ARRDC5: variants seen among roughly 807,000 people sequenced by gnomAD.
ARRDC5 encodes arrestin domain-containing protein 5.
ARRDC5 carries 12 observed loss-of-function variants against 13.3 expected under a neutral mutation model. The ratio of observed to expected loss-of-function variants is 0.90; its 90% CI spans 0.58 to 1.46. The LOEUF is 1.46. Among genes scored for constraint, ARRDC5 ranks in the 40% most tolerant of loss-of-function variants. The pLI, the probability that ARRDC5 is intolerant of heterozygous loss-of-function variation, is 0.00. For missense variants in ARRDC5, 406 were observed against 418.7 expected (o/e 0.97, Z 0.26); for synonymous variants, 181 against 173.4 (o/e 1.04, Z -0.34).
chr19:4,916,319 AC>A, the ARRDC5 span, among the ~76,000 whole-genome samples: 2 of 151,680 alleles, frequency 1.3e-5, no homozygotes, highest in African/African-American at 4.8e-5. Flanking sequence ...AAAAAAAAAA[AC>A]CAAATAAATT....
At chr19:4,901,797 T>G (rs902887577) in intron 1 of ARRDC5, among the ~76,000 whole-genome samples, 21 of 152,216 alleles carry the variant, frequency 1.4e-4, no homozygotes, top group African/African-American at 4.8e-4. Flanking sequence ...CAGCAGACTC[T>G]CTGACATTTG....
chr19:4,898,692 TCAC>T lies in ARRDC5; in HGVS notation c.254-1819_254-1817del, dbSNP rs1191565208. Among the ~76,000 whole-genome samples, 6 of 121,850 alleles carry T rather than the reference TCAC, an allele frequency of 4.9e-5. No individual in the cohort carries two copies. The South Asian group carries it at 1.0e-3, about 21-fold the overall frequency. The allele number at this position is 121,850 out of a possible 152,430, so 79.9% of individuals were successfully genotyped here. ...TTTTTTTTTTTTTTGAGACAGGGTC[TCAC>T]TTTGTCACTCAGCCTGGACCTCTTG... On this transcript the variant is annotated intron_variant, in intron 1 of 2. Coordinates refer to ENST00000650722, the MANE Select transcript of ARRDC5 (RefSeq NM_001080523.3).
At chr19:4,895,224 C>A (rs748833464) in intron 2 of ARRDC5, among the ~76,000 whole-genome samples, 2 of 151,684 alleles carry the variant, frequency 1.3e-5, no homozygotes, top group Non-Finnish European at 2.9e-5. Context: ...GAGTTTAAGA[C>A]CAGCCTGGCC....
At chr19:4,892,091 T>A (rs2031533558) in intron 2 of ARRDC5, among the ~76,000 whole-genome samples, 1 of 152,004 alleles carries the variant, frequency 6.6e-6, no homozygotes, top group African/African-American at 2.4e-5. Context: ...GTTTTTTGTT[T>A]TTTGTATTTT....
At chr19:4,914,733 G>A in the ARRDC5 span, among the ~76,000 whole-genome samples, 1 of 150,660 alleles carries the variant, frequency 6.6e-6, no homozygotes, top group Admixed American at 6.6e-5. Context: ...CGGGTACAAC[G>A]CTCTGCACTG....
the ARRDC5 span, chr19:4,909,457 G>A: frequency 4.6e-6 from 3 of 654,914 alleles, no homozygotes; most frequent in East Asian, 9.6e-5. Context: ...GGCCTCCTGC[G>A]GCCCCGCAAC....
intron 2 of ARRDC5, among the ~76,000 whole-genome samples, chr19:4,896,189 T>TGC (rs2031702819): frequency 6.6e-6 from 1 of 151,280 alleles, no homozygotes; most frequent in African/African-American, 2.4e-5. Context: ...GTGGTGCACA[T>TGC]CTGTAATCCC....
chr19:4,894,552 T>C (rs1477313559), intron 2 of ARRDC5, among the ~76,000 whole-genome samples: 1 of 102,292 alleles, frequency 9.8e-6, no homozygotes, highest in Non-Finnish European at 1.9e-5. Context: ...GGCATGGTGG[T>C]GGGTGCCTGT....
chr19:4,893,118 AT>A (rs1287752783), intron 2 of ARRDC5, among the ~76,000 whole-genome samples: 1 of 141,470 alleles, frequency 7.1e-6, no homozygotes, highest in African/African-American at 2.6e-5. Context: ...AAATATATAT[AT>A]TATAATAATA....
chr19:4,913,034 G>A, the ARRDC5 span, among the ~76,000 whole-genome samples: 56 of 152,068 alleles, frequency 3.7e-4, no homozygotes, highest in African/African-American at 9.9e-4. Flanking sequence ...GGTTACAGGC[G>A]TGAGCTACAG....
At chr19:4,895,941 C>T (rs1269678427) in intron 2 of ARRDC5, among the ~76,000 whole-genome samples, 1 of 152,206 alleles carries the variant, frequency 6.6e-6, no homozygotes, top group Non-Finnish European at 1.5e-5. Flanking sequence ...TGTCTCCAGA[C>T]ATTGCCAAAT....
the ARRDC5 span, chr19:4,910,597 G>T: frequency 3.0e-6 from 1 of 336,858 alleles, no homozygotes; most frequent in Admixed American, 4.8e-5. Flanking sequence ...TCGTGGGGAA[G>T]GAGGGATGGG....
intron 2 of ARRDC5, among the ~76,000 whole-genome samples, chr19:4,893,592 A>G (rs8103892): frequency 0.79 from 118,337 of 150,618 alleles, 47,052 homozygotes; most frequent in African/African-American, 0.92. Flanking sequence ...GTGACCTGTG[A>G]TTTGAAAAAC....
chr19:4,907,393 C>G (rs532877189), upstream of ARRDC5, among the ~76,000 whole-genome samples: 12 of 152,218 alleles, frequency 7.9e-5, no homozygotes, highest in South Asian at 1.5e-3. Context: ...CTCAGCTTCC[C>G]GAGTAGCTGG....
At chr19:4,894,555 G>C (rs1443492747) in intron 2 of ARRDC5, among the ~76,000 whole-genome samples, 1 of 143,880 alleles carries the variant, frequency 7.0e-6, no homozygotes, top group East Asian at 2.0e-4. Context: ...ATGGTGGTGG[G>C]TGCCTGTAGT....
intron 1 of ARRDC5, among the ~76,000 whole-genome samples, chr19:4,901,398 G>A (rs894842771): frequency 2.0e-5 from 3 of 152,092 alleles, no homozygotes; most frequent in East Asian, 1.9e-4. Flanking sequence ...GGCGAATCAC[G>A]AGGTCAGGAG....
chr19:4,909,501 A>G, the ARRDC5 span: 1 of 654,980 alleles, frequency 1.5e-6, no homozygotes, highest in Non-Finnish European at 2.8e-6. Flanking sequence ...GAAAAAAATC[A>G]GAGCAGCTGG....
intron 1 of ARRDC5, among the ~76,000 whole-genome samples, chr19:4,898,641 C>T (rs2031810476): frequency 6.7e-6 from 1 of 149,638 alleles, no homozygotes; most frequent in African/African-American, 2.4e-5. Flanking sequence ...GGATTACAGG[C>T]ATAAGCCATC....
At chr19:4,916,316 A>C in the ARRDC5 span, among the ~76,000 whole-genome samples, 3 of 151,972 alleles carry the variant, frequency 2.0e-5, no homozygotes, top group Non-Finnish European at 2.9e-5. Context: ...AAAAAAAAAA[A>C]AAACCAAATA....
Sources: gnomAD v4.1 joint callset for allele counts (sites outside exome capture counted in the v4.1 genomes callset) on GRCh38, gnomAD v4.1.1 for gene constraint, MANE v1.5 for transcripts, NCBI Gene and HGNC (gene_info 2026-07-23, HGNC 2026-07-21) for gene names.